The following MAML2 variants were observed in gnomAD, a reference collection of about 807,000 sequenced individuals.
The protein encoded by MAML2 is mastermind like transcriptional coactivator 2.
Under a neutral mutation model 96.1 loss-of-function variants are expected in MAML2, and 22 were observed. That is an observed-to-expected ratio of 0.23 (90% CI 0.16 to 0.33). The LOEUF is 0.33. MAML2 is among the 10% of genes least tolerant of loss of function. The pLI is 1.00. For missense variants in MAML2, 1,367 were observed against 1,392.4 expected, an observed-to-expected ratio of 0.98 and a Z score of 0.29; for synonymous variants, 561 against 521.3, an observed-to-expected ratio of 1.08 and a Z score of -1.04.
intron 1 of MAML2, among the ~76,000 whole-genome samples, chr11:96,148,389 T>G (rs1860854056): frequency 6.6e-6 from 1 of 151,730 alleles, no homozygotes; most frequent in Non-Finnish European, 1.5e-5. Context: ...GAGGGCAAAA[T>G]GTCACCCTCT....
chr11:96,088,003 C>A (rs1208883684), intron 2 of MAML2, among the ~76,000 whole-genome samples: 1 of 152,108 alleles, frequency 6.6e-6, no homozygotes, highest in Non-Finnish European at 1.5e-5. Context: ...CCACCCAGGC[C>A]AATTTGGAAA....
At chr11:96,330,718 G>A (rs922091298) in intron 1 of MAML2, among the ~76,000 whole-genome samples, 1 of 152,154 alleles carries the variant, frequency 6.6e-6, no homozygotes, top group African/African-American at 2.4e-5. Flanking sequence ...GGGCACCTTG[G>A]TTCTCTGCAT....
intron 1 of MAML2, among the ~76,000 whole-genome samples, chr11:96,274,803 C>G (rs1862964529): frequency 6.6e-6 from 1 of 152,022 alleles, no homozygotes; most frequent in African/African-American, 2.4e-5. Flanking sequence ...TGTAAATATT[C>G]AAATATTGCT....
At chr11:96,274,333 C>T (rs945256586) in intron 1 of MAML2, among the ~76,000 whole-genome samples, 7 of 152,072 alleles carry the variant, frequency 4.6e-5, no homozygotes, top group South Asian at 4.1e-4. Flanking sequence ...CGGCCCACCT[C>T]GGCCTTCCAA....
Position 96,076,848 on chromosome 11 carries a change from T to C in MAML2, c.2139+15044A>G, listed in dbSNP as rs1859448436. 2.0e-5 allele frequency among the ~76,000 whole-genome samples: 3 copies of C among 152,188 alleles called. No homozygotes were observed. In the South Asian group the frequency reaches 6.2e-4, roughly 32 times the overall value. On this transcript the variant is annotated intron_variant, in intron 2 of 4. Transcript: ENST00000524717. ...ATGAATGTTAGCAGCACTTTACATA[T>C]CAAAATTGTCCAAGTGGGACCTGAC...
intron 1 of MAML2, among the ~76,000 whole-genome samples, chr11:96,251,516 G>A (rs948771857): frequency 1.3e-5 from 2 of 152,188 alleles, no homozygotes; most frequent in African/African-American, 4.8e-5. Context: ...TCTGGAAACT[G>A]CCTGTATTGT....
intron 2 of MAML2, among the ~76,000 whole-genome samples, chr11:96,041,514 AGG>A (rs1858810008): frequency 1.3e-5 from 1 of 76,986 alleles, no homozygotes; most frequent in African/African-American, 4.8e-5. Flanking sequence ...AAAGGAAGGA[AGG>A]GAAGGAAGGG....
chr11:96,326,766 G>GTAAATAAA (rs368014331), intron 1 of MAML2, among the ~76,000 whole-genome samples: 3 of 151,276 alleles, frequency 2.0e-5, no homozygotes, highest in Admixed American at 1.3e-4. Context: ...GTCTGTCAAA[G>GTAAATAAA]TAAATAAATA....
At chr11:96,221,862 G>A (rs1862144387) in intron 1 of MAML2, among the ~76,000 whole-genome samples, 1 of 152,114 alleles carries the variant, frequency 6.6e-6, no homozygotes, top group Admixed American at 6.5e-5. Flanking sequence ...ACCAGGTCTT[G>A]GTACAGCAGG....
intron 1 of MAML2, among the ~76,000 whole-genome samples, chr11:96,319,406 T>A (rs1050379850): frequency 2.0e-4 from 31 of 152,160 alleles, no homozygotes; most frequent in African/African-American, 7.5e-4. Context: ...AACTGCCAAG[T>A]TTTGAAGTAA....
Position 96,093,297 on chromosome 11 carries a change from G to A in MAML2, c.734C>T (p.Thr245Ile), listed in dbSNP as rs1243067673. 6.2e-7 allele frequency: 1 copy of A among 1,614,016 alleles called. No individual in the cohort carries two copies. Among genetic ancestry groups the A allele is most frequent in the South Asian group, 1.1e-5 (1 of 91,080 alleles). Residue 245 changes from threonine (T) to isoleucine (I), a missense_variant, in exon 2 of 5, where the codon ACT becomes ATT. By Grantham distance (89) the Thr-to-Ile change is moderately conservative. Coordinates refer to ENST00000524717, the MANE Select transcript of MAML2 (RefSeq NM_032427.4). ...AGGAGAATGTGTATGGGATGGCAGA[G>A]TGTTAGTCTTTCGCAGGGGTGCTTG... ...MSQAPLRKTN[T>I]LPSHTHSPGN...
At chr11:96,156,903 C>G (rs1437080167) in intron 1 of MAML2, among the ~76,000 whole-genome samples, 2 of 152,156 alleles carry the variant, frequency 1.3e-5, no homozygotes, top group African/African-American at 4.8e-5. Flanking sequence ...ATCCTAAACT[C>G]GATGTTCTTT....
chr11:96,156,544 G>C (rs1861014176), intron 1 of MAML2, among the ~76,000 whole-genome samples: 2 of 152,136 alleles, frequency 1.3e-5, no homozygotes, highest in South Asian at 4.2e-4. Flanking sequence ...CAGTTCCCCA[G>C]TGACCACTCA....
intron 1 of MAML2, among the ~76,000 whole-genome samples, chr11:96,120,875 AG>A (rs1565221043): frequency 6.6e-6 from 1 of 152,192 alleles, no homozygotes; most frequent in Non-Finnish European, 1.5e-5. Context: ...GAGAAACCGA[AG>A]AATGCAGTTA....
chr11:96,091,217 G>A (rs1859700285), intron 2 of MAML2, among the ~76,000 whole-genome samples: 1 of 152,124 alleles, frequency 6.6e-6, no homozygotes, highest in African/African-American at 2.4e-5. Flanking sequence ...TCAGACTTTG[G>A]TTTTCCAGAA....
At chr11:96,309,353 C>T (rs965940916) in intron 1 of MAML2, among the ~76,000 whole-genome samples, 2 of 152,208 alleles carry the variant, frequency 1.3e-5, no homozygotes, top group Non-Finnish European at 2.9e-5. Context: ...GTTTACCACA[C>T]ATTATTCTGC....
chr11:96,113,168 A>G (rs1860160671), intron 1 of MAML2, among the ~76,000 whole-genome samples: 1 of 34,536 alleles, frequency 2.9e-5, no homozygotes, highest in Non-Finnish European at 6.5e-5. Flanking sequence ...AAGTCTTTAA[A>G]AGACAAAAAA....
chr11:96,183,402 C>A (rs537855735), intron 1 of MAML2, among the ~76,000 whole-genome samples: 12 of 51,430 alleles, frequency 2.3e-4, no homozygotes, highest in African/African-American at 8.7e-4. Context: ...CTCCCCCCCC[C>A]CCCTTTCTTT....
intron 1 of MAML2, among the ~76,000 whole-genome samples, chr11:96,303,441 T>C (rs765483248): frequency 6.6e-6 from 1 of 152,206 alleles, no homozygotes. Flanking sequence ...GAATGTGCCA[T>C]AGAGTAAGAG....
Sources: gnomAD v4.1 joint callset for allele counts (sites outside exome capture counted in the v4.1 genomes callset) on GRCh38, gnomAD v4.1.1 for gene constraint, MANE v1.5 for transcripts, NCBI Gene and HGNC (gene_info 2026-07-23, HGNC 2026-07-21) for gene names.